Variants in STAB2 observed in about 807,000 individuals in gnomAD.
STAB2 encodes the protein stabilin-2.
In STAB2, 288 loss-of-function variants were observed where a neutral mutation model predicts 338.1. The observed-to-expected ratio is 0.85, with a 90% CI of 0.77 to 0.94. The LOEUF (loss-of-function observed/expected upper bound fraction) is 0.94. Among genes scored for constraint, STAB2 ranks in the 40% least tolerant of loss-of-function variants. The pLI, the probability that STAB2 is intolerant of heterozygous loss-of-function variation, is 0.00. For missense variants in STAB2, 3,141 were observed against 3,210.1 expected, an observed-to-expected ratio of 0.98 and a Z score of 0.52; for synonymous variants, 1,202 against 1,193.3, an observed-to-expected ratio of 1.01 and a Z score of -0.15.
Position 103,648,720 on chromosome 12 carries a change from TG to T in STAB2, c.1073del (p.Gly358AlafsTer2). ...CICQKGYVGD[G>X]LTCYGNIMER... ...TTTGCCAGAAAGGTTACGTGGGTGATGGCTTAACGTGTTATGGAAACATTAT... is the reference window on the plus strand; with the variant it reads ...TTTGCCAGAAAGGTTACGTGGGTGATGCTTAACGTGTTATGGAAACATTAT... On this transcript the variant is annotated frameshift_variant, in exon 10 of 69. Coordinates refer to ENST00000388887, the MANE Select transcript of STAB2 (RefSeq NM_017564.10). LOFTEE classifies it high-confidence loss of function. 1 of 1,614,080 alleles carries T rather than the reference TG, an allele frequency of 6.2e-7. No homozygotes were observed. The highest frequency in any genetic ancestry group is 8.5e-7 in the Non-Finnish European group (1 of 1,179,976).
chr12:103,754,431 A>G (rs1454699370), intron 61 of STAB2, among the ~76,000 whole-genome samples: 2 of 152,026 alleles, frequency 1.3e-5, no homozygotes, highest in Non-Finnish European at 2.9e-5. Flanking sequence ...AATTTTCTCA[A>G]TTGTATAAGG....
chr12:103,765,861 C>A (rs1321004879), intron 68 of STAB2, among the ~76,000 whole-genome samples: 4 of 152,164 alleles, frequency 2.6e-5, no homozygotes, highest in African/African-American at 9.6e-5. Context: ...TTCTATTACA[C>A]TCTCTCAGGC....
At chr12:103,598,437 C>T (rs1956908739) in intron 3 of STAB2, among the ~76,000 whole-genome samples, 1 of 152,218 alleles carries the variant, frequency 6.6e-6, no homozygotes, top group South Asian at 2.1e-4. Context: ...GTAGTGGTGA[C>T]CCAAGGAAAT....
At chr12:103,631,810 C>A in intron 6 of STAB2, 117 bp downstream of exon 6, 3 of 878,410 alleles carry the variant, frequency 3.4e-6, no homozygotes, top group South Asian at 1.7e-5. Flanking sequence ...CAAAAGTTTT[C>A]TGGAAAGAAA....
Position 103,759,177 on chromosome 12 carries a change from C to T in STAB2, c.7152C>T (p.Ser2384=). 2 of 1,614,196 alleles carry T rather than the reference C, an allele frequency of 1.2e-6. No individual in the cohort carries two copies. Among genetic ancestry groups the T allele is most frequent in the Non-Finnish European group, 1.7e-6 (2 of 1,180,048 alleles). The change falls in exon 65 of 69, where the codon AGC becomes AGT. Residue 2384 remains serine (S), a synonymous_variant. Transcript: ENST00000388887. The part of the protein sequence containing the change: ...RDIEHHLANV[S]MFFYNDLVNG... ...TCGAGCACCACCTCGCCAATGTCAG[C>T]ATGTTTTTCTACAATGACCTTGTCA...
chr12:103,667,515 A>AT (rs1274736977), intron 19 of STAB2, among the ~76,000 whole-genome samples: 1 of 152,092 alleles, frequency 6.6e-6, no homozygotes, highest in Non-Finnish European at 1.5e-5. Context: ...CCATTCTATG[A>AT]TTGTCTCAGC....
chr12:103,727,360 A>G lies in STAB2; in HGVS notation c.4935+10A>G. 3.7e-6 allele frequency: 6 copies of G among 1,614,186 alleles called. No individual in the cohort carries two copies. The highest frequency in any genetic ancestry group is 5.1e-6 in the Non-Finnish European group (6 of 1,179,998). ...TGATGAGGAAGCTCGGGTGAGCATG[A>G]GACTGTGGGCAGAAGGGGGAGGTCT... On this transcript the variant is annotated intron_variant, in intron 47 of 68. Transcript: ENST00000388887.
intron 23 of STAB2, among the ~76,000 whole-genome samples, chr12:103,674,473 A>T (rs1475213801): frequency 1.3e-5 from 2 of 152,222 alleles, no homozygotes; most frequent in African/African-American, 4.8e-5. Context: ...TATGGAAAAG[A>T]TAATTATTAT....
intron 1 of STAB2, among the ~76,000 whole-genome samples, chr12:103,588,075 G>A (rs141676137): frequency 1.0e-3 from 155 of 152,268 alleles, no homozygotes; most frequent in African/African-American, 3.6e-3. Flanking sequence ...CCCCTATGAA[G>A]TACATCAGCA....
chr12:103,633,821 A>G (rs1165295681), intron 6 of STAB2, among the ~76,000 whole-genome samples: 2 of 152,168 alleles, frequency 1.3e-5, no homozygotes, highest in Non-Finnish European at 1.5e-5. Flanking sequence ...TTTGCCCACT[A>G]TGTTACAAAT....
At chr12:103,669,228 C>A (rs1216105641) in intron 20 of STAB2, 4 of 332,818 alleles carry the variant, frequency 1.2e-5, no homozygotes, top group Non-Finnish European at 2.2e-5. Context: ...CTGAAATGAT[C>A]TTGTTTTACT....
chr12:103,651,757 A>G (rs1420281357), intron 11 of STAB2, among the ~76,000 whole-genome samples: 1 of 152,250 alleles, frequency 6.6e-6, no homozygotes, highest in Admixed American at 6.5e-5. Flanking sequence ...GAAATCTGGG[A>G]AGTGGGAAAA....
intron 18 of STAB2, among the ~76,000 whole-genome samples, chr12:103,665,189 G>A (rs1352022759): frequency 6.6e-6 from 1 of 152,196 alleles, no homozygotes; most frequent in African/African-American, 2.4e-5. Context: ...TTCATCAAAA[G>A]TCCAAATGCA....
chr12:103,626,089 G>T (rs1469892798), intron 5 of STAB2, among the ~76,000 whole-genome samples: 1 of 152,120 alleles, frequency 6.6e-6, no homozygotes, highest in Non-Finnish European at 1.5e-5. Context: ...TAAGAAAACT[G>T]GAAACTTAAA....
chr12:103,700,758 T>C (rs1878790254), intron 34 of STAB2, among the ~76,000 whole-genome samples: 1 of 152,250 alleles, frequency 6.6e-6, no homozygotes, highest in African/African-American at 2.4e-5. Context: ...GAAATTCTTT[T>C]ATCTAGAGAA....
At chr12:103,676,316 C>G (rs1876365142) in intron 24 of STAB2, among the ~76,000 whole-genome samples, 1 of 151,732 alleles carries the variant, frequency 6.6e-6, no homozygotes, top group African/African-American at 2.4e-5. Context: ...CTTGGCCTCC[C>G]AAAGTGCTAG....
chr12:103,745,498 A>G (rs953587806), intron 57 of STAB2, among the ~76,000 whole-genome samples: 1 of 152,218 alleles, frequency 6.6e-6, no homozygotes, highest in African/African-American at 2.4e-5. Context: ...TGAAACTAGC[A>G]TGTCATCCTG....
intron 3 of STAB2, among the ~76,000 whole-genome samples, chr12:103,612,630 A>T (rs573483760): frequency 1.3e-4 from 20 of 152,282 alleles, no homozygotes; most frequent in African/African-American, 3.8e-4. Context: ...CATGGGTTCA[A>T]ACTTCCTCCT....
intron 3 of STAB2, among the ~76,000 whole-genome samples, chr12:103,600,758 G>A (rs1956941893): frequency 8.9e-6 from 1 of 112,052 alleles, no homozygotes; most frequent in Non-Finnish European, 1.8e-5. Context: ...ATTTGATGTT[G>A]TGGCTCAAGA....
Sources: allele counts gnomAD v4.1 joint callset (sites outside exome capture counted in the v4.1 genomes callset), GRCh38; gene constraint gnomAD v4.1.1; transcripts MANE v1.5; gene names NCBI Gene and HGNC (gene_info 2026-07-23, HGNC 2026-07-21).